COL28A1: variants seen among roughly 807,000 people sequenced by gnomAD.
COL28A1 encodes collagen type XXVIII alpha 1 chain.
In COL28A1, 161 loss-of-function variants were observed where a neutral mutation model predicts 150.2. The observed-to-expected ratio is 1.07, with a 90% CI of 0.94 to 1.22. The LOEUF (loss-of-function observed/expected upper bound fraction) is 1.22, where lower values mean the gene tolerates loss of function less well. COL28A1 is among the 50% of genes most tolerant of loss of function. The probability of loss-of-function intolerance (pLI) is 0.00; values close to 1 mark genes in which losing one functional copy is unlikely to be tolerated. For missense variants in COL28A1, 1,617 were observed against 1,388.3 expected (o/e 1.16, Z -2.62); for synonymous variants, 552 against 469.7 (o/e 1.18, Z -2.26).
the COL28A1 span, among the ~76,000 whole-genome samples, chr7:7,348,782 C>G: frequency 7.2e-5 from 11 of 151,938 alleles, no homozygotes; most frequent in Non-Finnish European, 1.2e-4. Context: ...AGCAGTATCC[C>G]GCAATATTTT....
intron 27 of COL28A1, among the ~76,000 whole-genome samples, chr7:7,392,109 C>A (rs1294645): frequency 0.56 from 84,922 of 152,076 alleles, 26,522 homozygotes; most frequent in South Asian, 0.69. Flanking sequence ...CTGGCATTGG[C>A]TGGTGCTGGT....
intron 27 of COL28A1, among the ~76,000 whole-genome samples, chr7:7,399,990 C>T (rs950786474): frequency 1.3e-5 from 2 of 152,240 alleles, no homozygotes; most frequent in African/African-American, 4.8e-5. Context: ...GCAAAGCATT[C>T]AATCCCTCTG....
chr7:7,367,752 G>T (rs1195440346), intron 33 of COL28A1, among the ~76,000 whole-genome samples: 4 of 150,732 alleles, frequency 2.7e-5, no homozygotes, highest in African/African-American at 9.8e-5. Context: ...TGTCATAACT[G>T]CCTTGGATGT....
chr7:7,474,523 G>A, intron 15 of COL28A1, 78 bp downstream of exon 15: 3 of 771,146 alleles, frequency 3.9e-6, no homozygotes, highest in Admixed American at 2.0e-5. Context: ...CATGTATACA[G>A]TTCAGAAATG....
chr7:7,369,731 G>A lies in COL28A1; in HGVS notation c.3066+994C>T, dbSNP rs188833997. 1.4e-4 allele frequency among the ~76,000 whole-genome samples: 21 copies of A among 152,290 alleles called. No homozygotes were observed. The East Asian group carries it at 4.0e-3, about 29-fold the overall frequency. On this transcript the variant is annotated intron_variant, in intron 33 of 34. Coordinates refer to ENST00000399429, the MANE Select transcript of COL28A1 (RefSeq NM_001037763.3). ...AGGCCTGATTCCTGAATGGCCCTGA[G>A]TCCAACTACTGATCCGAATGTTCCT...
rs747752189 is a variant in COL28A1 at position 7,419,944 on chromosome 7, C to T, written c.2008G>A (p.Gly670Arg). The change falls in exon 26 of 35, where the codon GGG becomes AGG. Residue 670 changes from glycine (G) to arginine (R), a missense_variant. By Grantham distance (125) the Gly-to-Arg change is moderately radical. Transcript: ENST00000399429. ...VGDTGAKGEP[G>R]VRGPPGPSGP... ...GAAGGACCTGGAGGGCCTCTGACCC[C>T]AGGCTCTCCCTGAAAAGACACAACA... 1.9e-6 allele frequency: 3 copies of T among 1,589,670 alleles called. No individual in the cohort carries two copies. Among genetic ancestry groups the T allele is most frequent in the Non-Finnish European group, 2.6e-6 (3 of 1,170,502 alleles).
chr7:7,529,510 G>A (rs931837787), intron 3 of COL28A1, among the ~76,000 whole-genome samples: 15 of 152,220 alleles, frequency 9.9e-5, no homozygotes, highest in Non-Finnish European at 1.8e-4. Context: ...TGAAGTCGCC[G>A]GATGCTAAGG....
chr7:7,439,653 A>T (rs1238695101), intron 21 of COL28A1, among the ~76,000 whole-genome samples: 1 of 152,232 alleles, frequency 6.6e-6, no homozygotes, highest in East Asian at 1.9e-4. Context: ...ACTTTGAAAT[A>T]GAGTAACTAG....
intron 13 of COL28A1, among the ~76,000 whole-genome samples, chr7:7,480,506 C>T (rs1320601133): frequency 6.6e-6 from 1 of 151,808 alleles, no homozygotes; most frequent in Non-Finnish European, 1.5e-5. Context: ...TAATAGATTG[C>T]AAACTAAACC....
chr7:7,444,101 A>G (rs1786050878), intron 19 of COL28A1, among the ~76,000 whole-genome samples: 1 of 151,134 alleles, frequency 6.6e-6, no homozygotes, highest in East Asian at 1.9e-4. Context: ...GCATTTACAG[A>G]CTTGCCTCTT....
intron 23 of COL28A1, 56 bp downstream of exon 23, chr7:7,436,339 T>G: frequency 1.1e-6 from 1 of 896,556 alleles, no homozygotes; most frequent in Non-Finnish European, 1.9e-6. Context: ...ATGCATTAAA[T>G]CTACCTTCAT....
intron 14 of COL28A1, among the ~76,000 whole-genome samples, chr7:7,476,624 G>A (rs17168096): frequency 6.6e-6 from 1 of 152,020 alleles, no homozygotes; most frequent in Non-Finnish European, 1.5e-5. Context: ...TTACATAAGG[G>A]AAATGACAGG....
At chr7:7,359,635 G>A (rs1780534931) in intron 34 of COL28A1, among the ~76,000 whole-genome samples, 1 of 152,130 alleles carries the variant, frequency 6.6e-6, no homozygotes, top group Non-Finnish European at 1.5e-5. Flanking sequence ...TGCTATCTGG[G>A]ACTTATATGT....
rs376790627 is a variant in COL28A1 at position 7,412,083 on chromosome 7, C to G, written c.2136+5776G>C. 1.4e-3 allele frequency among the ~76,000 whole-genome samples: 217 copies of G among 152,228 alleles called. 1 individual carries two copies. Among genetic ancestry groups the G allele is most frequent in the African/African-American group, 4.9e-3 (204 of 41,496 alleles). On this transcript the variant is annotated intron_variant, in intron 27 of 34. Transcript: ENST00000399429. ...TTTTCCTCCTGGGCACACAGCATGA[C>G]TACCTTTCCAAGCCACTTTGCAATT...
chr7:7,351,255 G>A (rs1289727086), downstream of COL28A1, among the ~76,000 whole-genome samples: 6 of 152,160 alleles, frequency 3.9e-5, no homozygotes, highest in Admixed American at 6.5e-5. Flanking sequence ...ATGGAAACAG[G>A]AGAAGCTGCA....
At position 7,528,516 on chromosome 7, in the gene COL28A1, T is replaced by G. The variant is rs145627879; in HGVS notation, c.681+2832A>C. ...TTGCTCCTGAAGAATCTATTCATTC[T>G]GTATACTCGTGTCCATTAAATTCAA... On this transcript the variant is annotated intron_variant, in intron 3 of 34. Coordinates refer to ENST00000399429, the MANE Select transcript of COL28A1 (RefSeq NM_001037763.3). Among the ~76,000 whole-genome samples the G allele has an allele frequency of 4.5e-3, 683 of 152,360 alleles. 11 individuals carry two copies. Among genetic ancestry groups the G allele is most frequent in the African/African-American group, 0.016 (655 of 41,582 alleles).
intron 15 of COL28A1, among the ~76,000 whole-genome samples, chr7:7,460,947 C>T (rs980558343): frequency 6.6e-6 from 1 of 152,158 alleles, no homozygotes; most frequent in Non-Finnish European, 1.5e-5. Context: ...GAAAGAACAG[C>T]ATGTGGAGGC....
chr7:7,421,649 C>T (rs558809686), intron 25 of COL28A1, among the ~76,000 whole-genome samples: 1 of 152,230 alleles, frequency 6.6e-6, no homozygotes, highest in Admixed American at 6.5e-5. Flanking sequence ...AAAAACAGTC[C>T]ATCTTTTAAT....
chr7:7,363,603 A>G (rs1279483583), intron 33 of COL28A1, among the ~76,000 whole-genome samples: 1 of 152,098 alleles, frequency 6.6e-6, no homozygotes, highest in Non-Finnish European at 1.5e-5. Flanking sequence ...AAGTAATTCT[A>G]CCTCCTAAAG....
Sources: allele counts gnomAD v4.1 joint callset (sites outside exome capture counted in the v4.1 genomes callset), GRCh38; gene constraint gnomAD v4.1.1; transcripts MANE v1.5; gene names NCBI Gene and HGNC (gene_info 2026-07-23, HGNC 2026-07-21).